Variants in ZNF7 observed in about 807,000 individuals in gnomAD.
ZNF7 encodes C2-H2 type zinc finger protein.
Under a neutral mutation model 12.0 loss-of-function variants are expected in ZNF7, and 10 were observed. The observed-to-expected ratio is 0.83, with a 90% CI of 0.51 to 1.42. ZNF7 has a LOEUF of 1.42. Among genes scored for constraint, ZNF7 ranks in the 40% most tolerant of loss-of-function variants. ZNF7 has a pLI of 0.00. For synonymous variants in ZNF7, 334 were observed against 295.0 expected (o/e 1.13, Z -1.35); for missense variants, 854 against 837.2 (o/e 1.02, Z -0.25).
chr8:144,827,785 C>A, intron 1 of ZNF7, 176 bp downstream of exon 1: 1 of 701,872 alleles, frequency 1.4e-6, no homozygotes, highest in Non-Finnish European at 1.8e-6. Context: ...TGGTCGAGCC[C>A]AGCCACCCTC....
In ZNF7 at chr8:144,829,030, T is replaced by C; in HGVS notation, c.-45-13T>C. On this transcript the variant is annotated splice_polypyrimidine_tract_variant and intron_variant, in intron 1 of 4. Coordinates refer to ENST00000532777, the MANE Select transcript of ZNF7 (RefSeq NM_003416.4). The stretch of plus-strand genomic sequence containing the variant: ...GGCACCTTGACCTCTAATCCTTTCA[T>C]AATTGCCAACAGGTCTCTCGGCCAG... The C allele has an allele frequency of 6.2e-7, 1 of 1,613,150 alleles. No homozygotes were observed. The highest frequency in any genetic ancestry group is 8.5e-7 in the Non-Finnish European group (1 of 1,179,606).
intron 3 of ZNF7, among the ~76,000 whole-genome samples, chr8:144,830,615 A>AT (rs567060100): frequency 6.6e-6 from 1 of 152,100 alleles, no homozygotes; most frequent in South Asian, 2.1e-4. Context: ...GATTACACGC[A>AT]TTTTTTAATC....
At position 144,829,617 on chromosome 8, in the gene ZNF7, CT is replaced by C. The variant is rs1467049037; in HGVS notation, c.130+15del. 4 of 1,594,702 alleles carry C rather than the reference CT, an allele frequency of 2.5e-6. No individual in the cohort carries two copies. In the South Asian group the frequency reaches 4.5e-5, roughly 18 times the overall value. The stretch of plus-strand genomic sequence containing the variant: ...GTGGCTGGACTAGGTGAGGCTGCAC[CT>C]TGGGGCCCCTTCCCCTGCATCATCA... On this transcript the variant is annotated intron_variant, in intron 3 of 4. Transcript: ENST00000532777.
At chr8:144,846,375 T>A (rs1390212780), downstream of ZNF7, 1 of 583,610 alleles carries the variant, frequency 1.7e-6, no homozygotes, top group Non-Finnish European at 3.0e-6. Context: ...AATAAGAGAC[T>A]TGTGACATTT....
intron 3 of ZNF7, among the ~76,000 whole-genome samples, chr8:144,830,306 G>A (rs945223672): frequency 2.6e-5 from 4 of 152,172 alleles, no homozygotes; most frequent in Non-Finnish European, 5.9e-5. Context: ...CCTCTGTCCC[G>A]GCTAGTCTGG....
chr8:144,838,001 C>G (rs556144424), intron 4 of ZNF7: 1 of 692,964 alleles, frequency 1.4e-6, no homozygotes, highest in South Asian at 1.5e-5. Flanking sequence ...AATTTATTGT[C>G]TCACAGCTGT....
chr8:144,828,831 A>C (rs1296107435), intron 1 of ZNF7: 8 of 616,286 alleles, frequency 1.3e-5, no homozygotes, highest in Admixed American at 5.9e-5. Context: ...AGTGAGTCAC[A>C]CATGCCACAC....
rs1428157071 is a variant in ZNF7, at chr8:144,843,188, G to GTA, written c.*26_*27dup. ...GGATAGACCACTTACATATAAATGT[G>GTA]TATATATGTGAATAAACCTATAGCC... is the stretch of plus-strand genomic sequence containing the variant. On this transcript the variant is annotated 3_prime_UTR_variant, in exon 5 of 5. Coordinates refer to ENST00000532777, the MANE Select transcript of ZNF7 (RefSeq NM_003416.4). 1.9e-6 allele frequency: 3 copies of GTA among 1,539,626 alleles called. No individual in the cohort carries two copies. Among genetic ancestry groups the GTA allele is most frequent in the Non-Finnish European group, 2.6e-6 (3 of 1,147,874 alleles).
At chr8:144,840,507 AT>A (rs989344976) in intron 4 of ZNF7, among the ~76,000 whole-genome samples, 24 of 152,150 alleles carry the variant, frequency 1.6e-4, no homozygotes, top group African/African-American at 5.6e-4. Context: ...GGTTGTCATG[AT>A]CATAGCCGTG....
rs528936910 is a variant in ZNF7 at position 144,827,713 on chromosome 8, C to T, written c.-46+104C>T. The T allele has an allele frequency of 8.6e-5, 84 of 980,558 alleles. 3 individuals are homozygous for T. In the South Asian group the frequency reaches 3.5e-3, roughly 41 times the overall value. The allele number at this position is 980,558 out of a possible 1,614,324, so 60.7% of individuals were successfully genotyped here. A position where few individuals can be genotyped will look rare whatever the true frequency, so the allele number is the denominator to read the frequency against. On this transcript the variant is annotated intron_variant, in intron 1 of 4. Coordinates refer to ENST00000532777, the MANE Select transcript of ZNF7 (RefSeq NM_003416.4). The stretch of plus-strand genomic sequence containing the variant: ...TTCGGCATTGGGGTCCCCGCGTCCC[C>T]CGGGCCTCCAGGCGGGAAAGCGCGG...
intron 1 of ZNF7, chr8:144,828,841 C>T (rs745794963): frequency 4.7e-6 from 3 of 640,858 alleles, no homozygotes; most frequent in Non-Finnish European, 8.0e-6. Context: ...ACATGCCACA[C>T]ACACATACAC....
chr8:144,831,077 CT>C (rs1563825886), intron 3 of ZNF7: 1 of 455,264 alleles, frequency 2.2e-6, no homozygotes, highest in Non-Finnish European at 4.4e-6. Context: ...GGTGCTTGAG[CT>C]TTCTTGCTTG....
chr8:144,830,285 A>G (rs970445495), intron 3 of ZNF7, among the ~76,000 whole-genome samples: 1 of 152,210 alleles, frequency 6.6e-6, no homozygotes, highest in Non-Finnish European at 1.5e-5. Flanking sequence ...GTGTTGGACC[A>G]GGCCTGTCCC....
At chr8:144,847,424 CAG>C (rs1294715922), downstream of ZNF7, 4 of 152,162 alleles carry the variant, frequency 2.6e-5, no homozygotes, top group Non-Finnish European at 5.9e-5. Context: ...GCCTGGGTGA[CAG>C]AGTGAGGCCC....
downstream of ZNF7, among the ~76,000 whole-genome samples, chr8:144,844,279 C>A (rs981855292): frequency 6.6e-6 from 1 of 152,340 alleles, no homozygotes; most frequent in Non-Finnish European, 1.5e-5. Flanking sequence ...ACCAACCCCC[C>A]CATCCATGCC....
intron 2 of ZNF7, 187 bp downstream of exon 2, chr8:144,829,277 G>T (rs1323667559): frequency 6.5e-7 from 1 of 1,531,348 alleles, no homozygotes; most frequent in African/African-American, 1.4e-5. Flanking sequence ...GCTCTTGAGG[G>T]GGGAGGGTTG....
rs1158973679 is a variant in ZNF7 at position 144,843,145 on chromosome 8, C to A, written c.2038C>A (p.His680Asn). 1 of 1,590,946 alleles carries A rather than the reference C, an allele frequency of 6.3e-7. No homozygotes were observed. The highest frequency in any genetic ancestry group is 8.5e-7 in the Non-Finnish European group (1 of 1,171,028). Reference sequence around the variant, plus strand: ...TAATCGTAGCTCAAGGCTTACCCAGCATCAAAAAATTCACATGGGATAGAC... The same window carrying A: ...TAATCGTAGCTCAAGGCTTACCCAGAATCAAAAAATTCACATGGGATAGAC... ...AFNRSSRLTQ[H>N]QKIHMG The change falls in exon 5 of 5, where the codon CAT (histidine) becomes AAT (asparagine). Residue 680 changes from histidine to asparagine, a missense_variant. Transcript: ENST00000532777.
chr8:144,846,179 A>G, downstream of ZNF7: 1 of 1,536,032 alleles, frequency 6.5e-7, no homozygotes, highest in South Asian at 1.2e-5. Flanking sequence ...GATGGTCTGA[A>G]AATTCCAGAT....
rs1586835878 is a variant in ZNF7, at chr8:144,841,776, C to T, written c.669C>T (p.Ser223=). Residue 223 remains serine (S), a synonymous_variant, in exon 5 of 5, where the codon AGC becomes AGT. Transcript: ENST00000532777. ...LHWEINTQKI[S]RCQECQKKLS... ...GGGAAATTAATACACAGAAAATTAG[C>T]AGATGTCAAGAATGCCAAAAAAAGT... The T allele has an allele frequency of 1.2e-6, 2 of 1,614,142 alleles. No homozygotes were observed. The highest frequency in any genetic ancestry group is 2.2e-5 in the East Asian group (1 of 44,886).
Sources: gnomAD v4.1 joint callset for allele counts (sites outside exome capture counted in the v4.1 genomes callset) on GRCh38, gnomAD v4.1.1 for gene constraint, MANE v1.5 for transcripts, NCBI Gene and HGNC (gene_info 2026-07-23, HGNC 2026-07-21) for gene names.